MAGI1: variants seen among roughly 807,000 people sequenced by gnomAD.
The protein encoded by MAGI1 is membrane-associated guanylate kinase, WW and PDZ domain-containing protein 1.
In MAGI1, 58 loss-of-function variants were observed where a neutral mutation model predicts 139.9. The observed-to-expected ratio is 0.41, with a 90% CI of 0.34 to 0.52. The LOEUF (loss-of-function observed/expected upper bound fraction) is 0.52, where lower values mean the gene tolerates loss of function less well. Ranked by LOEUF, MAGI1 falls within the 20% of genes least tolerant of loss-of-function variation. The pLI, the probability that MAGI1 is intolerant of heterozygous loss-of-function variation, is 0.12. For synonymous variants in MAGI1, 812 were observed against 737.9 expected (o/e 1.10, Z -1.63); for missense variants, 1,874 against 1,901.6 (o/e 0.99, Z 0.27).
chr3:65,690,318 C>G lies in MAGI1; in HGVS notation c.314-68230G>C, dbSNP rs904294034. 1.1e-4 allele frequency among the ~76,000 whole-genome samples: 16 copies of G among 152,034 alleles called. 1 individual carries two copies. The highest frequency in any genetic ancestry group is 3.9e-4 in the African/African-American group (16 of 41,388). ...TGACACACTCTTTTAGCTTAAAAAC[C>G]CCACTCCTGATACACTGTCACACTG... On this transcript the variant is annotated intron_variant, in intron 1 of 22. Transcript: ENST00000402939.
intron 2 of MAGI1, among the ~76,000 whole-genome samples, chr3:65,591,954 A>C (rs574167632): frequency 6.6e-6 from 1 of 152,082 alleles, no homozygotes; most frequent in Admixed American, 6.5e-5. Flanking sequence ...CAACCCCCTT[A>C]CTCTGCTCTG....
At chr3:65,719,303 GTA>G (rs954953360) in intron 1 of MAGI1, among the ~76,000 whole-genome samples, 9 of 150,466 alleles carry the variant, frequency 6.0e-5, no homozygotes, top group African/African-American at 2.2e-4. Flanking sequence ...GTGTGTGTGT[GTA>G]TATACATATA....
chr3:66,038,093 C>G lies in MAGI1; in HGVS notation c.216G>C (p.Glu72Asp). 2 of 1,613,064 alleles carry G rather than the reference C, an allele frequency of 1.2e-6. No homozygotes were observed. Among genetic ancestry groups the G allele is most frequent in the South Asian group, 2.2e-5 (2 of 91,018 alleles). ...PRLGEGELLL[E>D]VQGVRVSGLP... ...AGCCGGACACCCGGACCCCCTGCACCTCCAGAAGCAGCTCCCCTTCGCCCA... is the reference window on the plus strand; with the variant it reads ...AGCCGGACACCCGGACCCCCTGCACGTCCAGAAGCAGCTCCCCTTCGCCCA... The change falls in exon 1 of 23, where the codon GAG (glutamate) becomes GAC (aspartate). Residue 72 changes from glutamate to aspartate, a missense_variant. Transcript: ENST00000402939.
At chr3:66,035,879 G>C (rs1215107081) in intron 1 of MAGI1, among the ~76,000 whole-genome samples, 3 of 152,130 alleles carry the variant, frequency 2.0e-5, no homozygotes, top group African/African-American at 7.2e-5. Flanking sequence ...CATGATGAGA[G>C]AGCCCTGGGA....
rs372462825 is a variant in MAGI1, at chr3:65,425,135, A to AAAAAC, written c.2167+4384_2167+4385insGTTTT. 1.9e-3 allele frequency among the ~76,000 whole-genome samples: 165 copies of AAAAAC among 87,712 alleles called. 3 individuals carry two copies. Among genetic ancestry groups the AAAAAC allele is most frequent in the Middle Eastern group, 5.8e-3 (1 of 172 alleles). The allele number at this position is 87,712 out of a possible 152,430, so 57.5% of individuals were successfully genotyped here. On this transcript the variant is annotated intron_variant, in intron 12 of 22. Coordinates refer to ENST00000402939, the MANE Select transcript of MAGI1 (RefSeq NM_001033057.2). ...AAAAAAAAAAAAAAAAAAAAAAACA[A>AAAAAC]AAAAAAACACACATGCCTAAACATC...
chr3:65,739,660 T>C (rs1256137944), intron 1 of MAGI1, among the ~76,000 whole-genome samples: 1 of 152,154 alleles, frequency 6.6e-6, no homozygotes, highest in East Asian at 1.9e-4. Flanking sequence ...AGGGTATTAA[T>C]TGACTTAATT....
chr3:65,946,381 G>C (rs1353865503), intron 1 of MAGI1, among the ~76,000 whole-genome samples: 1 of 152,144 alleles, frequency 6.6e-6, no homozygotes, highest in East Asian at 1.9e-4. Context: ...TGCCTTTTCT[G>C]CATTTCATCA....
At chr3:65,387,388 C>T (rs200897308) in intron 14 of MAGI1, among the ~76,000 whole-genome samples, 3 of 146,920 alleles carry the variant, frequency 2.0e-5, no homozygotes, top group Non-Finnish European at 3.0e-5. Context: ...TTTTTTCTTT[C>T]TTTTTTTTTT....
intron 1 of MAGI1, among the ~76,000 whole-genome samples, chr3:65,943,075 T>G (rs1349032166): frequency 1.3e-5 from 2 of 152,174 alleles, no homozygotes; most frequent in Admixed American, 6.5e-5. Context: ...TAGCAAGTGG[T>G]ATATAAGTGC....
intron 1 of MAGI1, among the ~76,000 whole-genome samples, chr3:65,712,418 C>T (rs943528715): frequency 2.7e-5 from 4 of 149,578 alleles, no homozygotes; most frequent in Non-Finnish European, 4.4e-5. Context: ...CCAGCTGCAG[C>T]TACCATCTGG....
intron 1 of MAGI1, among the ~76,000 whole-genome samples, chr3:65,780,783 G>C (rs1244492237): frequency 6.6e-6 from 1 of 152,216 alleles, no homozygotes; most frequent in Non-Finnish European, 1.5e-5. Context: ...GGTTACAGAA[G>C]GGGGTTGATG....
At chr3:65,643,869 G>T (rs973421439) in intron 1 of MAGI1, among the ~76,000 whole-genome samples, 1 of 152,136 alleles carries the variant, frequency 6.6e-6, no homozygotes, top group Non-Finnish European at 1.5e-5. Context: ...CTGTATTGGG[G>T]TCACCTAATC....
At chr3:65,585,980 G>T (rs75809684) in intron 2 of MAGI1, among the ~76,000 whole-genome samples, 1 of 152,268 alleles carries the variant, frequency 6.6e-6, no homozygotes, top group Admixed American at 6.5e-5. Flanking sequence ...GGCTGAAGCA[G>T]GAGGATCAGC....
chr3:65,496,027 G>A (rs186492619), intron 2 of MAGI1, among the ~76,000 whole-genome samples: 10 of 152,128 alleles, frequency 6.6e-5, no homozygotes, highest in Non-Finnish European at 8.8e-5. Context: ...AAGGGGGTGC[G>A]TTGATTTGGT....
intron 15 of MAGI1, 112 bp downstream of exon 15, chr3:65,383,420 G>C (rs1286239607): frequency 2.7e-6 from 2 of 752,878 alleles, no homozygotes; most frequent in African/African-American, 3.5e-5. Context: ...CAAGATTAAA[G>C]AGTCAGTGTT....
At chr3:65,608,175 C>T (rs561221819) in intron 2 of MAGI1, among the ~76,000 whole-genome samples, 5 of 152,312 alleles carry the variant, frequency 3.3e-5, no homozygotes, top group African/African-American at 1.2e-4. Context: ...GGTGGAGTGG[C>T]TCATGCCTGC....
rs397989928 is a variant in MAGI1 at position 65,910,855 on chromosome 3, C to CTTTTTTTTTTTTTTTTTTTTTTTTTTTT, written c.313+127140_313+127141insAAAAAAAAAAAAAAAAAAAAAAAAAAAA. 5.0e-5 allele frequency among the ~76,000 whole-genome samples: 3 copies of CTTTTTTTTTTTTTTTTTTTTTTTTTTTT among 59,480 alleles called. 1 individual carries two copies. The highest frequency in any genetic ancestry group is 6.2e-4 in the Admixed American group (2 of 3,216). The allele number at this position is 59,480 out of a possible 152,430, so 39.0% of individuals were successfully genotyped here. A position where few individuals can be genotyped will look rare whatever the true frequency, so the allele number is the denominator to read the frequency against. ...TGAGGCCTCTTTCAGACATGGTGGA[C>CTTTTTTTTTTTTTTTTTTTTTTTTTTTT]TTTTTTTTTTTTTTTTTTTTGAGAT... On this transcript the variant is annotated intron_variant, in intron 1 of 22. Coordinates refer to ENST00000402939, the MANE Select transcript of MAGI1 (RefSeq NM_001033057.2).
intron 18 of MAGI1, among the ~76,000 whole-genome samples, chr3:65,368,461 G>A (rs1941654386): frequency 1.3e-5 from 2 of 152,238 alleles, no homozygotes; most frequent in South Asian, 2.1e-4. Context: ...TCCAAATCTC[G>A]GCACTTACTC....
At chr3:65,403,854 A>G (rs1448529210) in intron 12 of MAGI1, among the ~76,000 whole-genome samples, 1 of 152,230 alleles carries the variant, frequency 6.6e-6, no homozygotes, top group Non-Finnish European at 1.5e-5. Context: ...TGTTCAGTGC[A>G]ATATTGTTGG....
Sources: gnomAD v4.1 joint callset for allele counts (sites outside exome capture counted in the v4.1 genomes callset) on GRCh38, gnomAD v4.1.1 for gene constraint, MANE v1.5 for transcripts, NCBI Gene and HGNC (gene_info 2026-07-23, HGNC 2026-07-21) for gene names.